The following DYNC2H1 variants were observed in gnomAD, a reference collection of about 807,000 sequenced individuals.
The protein encoded by DYNC2H1 is cytoplasmic dynein 2 heavy chain 1.
DYNC2H1 carries 410 observed loss-of-function variants against 570.0 expected under a neutral mutation model. That is an observed-to-expected ratio of 0.72 (90% CI 0.66 to 0.78). The LOEUF (loss-of-function observed/expected upper bound fraction) is 0.78, where lower values mean the gene tolerates loss of function less well. Among genes scored for constraint, DYNC2H1 ranks in the 30% least tolerant of loss-of-function variants. DYNC2H1 has a pLI of 0.00. For missense variants in DYNC2H1, 4,865 were observed against 5,046.4 expected (o/e 0.96, Z 1.09); for synonymous variants, 1,688 against 1,677.6 (o/e 1.01, Z -0.15).
chr11:103,436,722 C>A (rs568741733), intron 85 of DYNC2H1, among the ~76,000 whole-genome samples: 1 of 152,172 alleles, frequency 6.6e-6, no homozygotes, highest in East Asian at 1.9e-4. Flanking sequence ...ACCTTTGAAC[C>A]CCTAAGCATA....
At chr11:103,433,877 A>G (rs1444962510) in intron 84 of DYNC2H1, among the ~76,000 whole-genome samples, 6 of 152,272 alleles carry the variant, frequency 3.9e-5, no homozygotes, top group African/African-American at 1.4e-4. Flanking sequence ...AAACCAATAT[A>G]AAATGGTAGG....
chr11:103,414,035 CTG>C (rs1429038893), intron 84 of DYNC2H1, among the ~76,000 whole-genome samples: 17 of 145,230 alleles, frequency 1.2e-4, no homozygotes, highest in African/African-American at 4.4e-4. Flanking sequence ...TGAAAGTAAA[CTG>C]TGGTAAGTTA....
At chr11:103,126,892 C>T (rs753206058) in intron 12 of DYNC2H1, among the ~76,000 whole-genome samples, 3 of 152,178 alleles carry the variant, frequency 2.0e-5, no homozygotes, top group Non-Finnish European at 4.4e-5. Flanking sequence ...CCTACCTTGG[C>T]CTCCCAAAGT....
At chr11:103,476,618 A>G (rs1365046772) in intron 88 of DYNC2H1, among the ~76,000 whole-genome samples, 1 of 152,176 alleles carries the variant, frequency 6.6e-6, no homozygotes, top group Non-Finnish European at 1.5e-5. Context: ...CCTAGAGAAT[A>G]TGTCTTGTTA....
At chr11:103,286,172 C>G in intron 73 of DYNC2H1, 83 bp from the exon 74 acceptor site, 1 of 1,524,688 alleles carries the variant, frequency 6.6e-7, no homozygotes, top group African/African-American at 1.4e-5. Flanking sequence ...ATAATTGGTT[C>G]TCACTTTTAG....
chr11:103,401,424 C>G (rs576800800), intron 84 of DYNC2H1, among the ~76,000 whole-genome samples: 1 of 151,896 alleles, frequency 6.6e-6, no homozygotes, highest in African/African-American at 2.4e-5. Flanking sequence ...TCTAGTAGGA[C>G]GGGTACACAA....
Position 103,243,253 on chromosome 11 carries a change from G to T in DYNC2H1, c.9820-440G>T, listed in dbSNP as rs1266863243. Among the ~76,000 whole-genome samples the T allele has an allele frequency of 7.1e-6, 1 of 140,596 alleles. No homozygotes were observed. Among genetic ancestry groups the T allele is most frequent in the Non-Finnish European group, 1.5e-5 (1 of 64,968 alleles). The allele number at this position is 140,596 out of a possible 152,430, so 92.2% of individuals were successfully genotyped here. Reference sequence around the variant, plus strand: ...CCTTTATAGTTTTTATTCAAACAAAGAATATAGATAGATAGATAGATAGAT... The same window carrying T: ...CCTTTATAGTTTTTATTCAAACAAATAATATAGATAGATAGATAGATAGAT... On this transcript the variant is annotated intron_variant, in intron 63 of 88. Transcript: ENST00000375735. The surrounding 1 kb of genome is among the most constrained non-coding windows in gnomAD (Gnocchi z 4.8).
At chr11:103,452,782 T>A (rs1010006544) in intron 85 of DYNC2H1, among the ~76,000 whole-genome samples, 11 of 145,872 alleles carry the variant, frequency 7.5e-5, no homozygotes, top group African/African-American at 2.5e-4. Flanking sequence ...TATTTTTGTA[T>A]GTCTCATCTC....
At chr11:103,408,176 G>A (rs1709161) in intron 84 of DYNC2H1, 77,386 of 151,444 alleles carry the variant, frequency 0.51, 20,055 homozygotes, top group African/African-American at 0.62. Context: ...AAAGGGTAAC[G>A]GTAGATGTTG....
At chr11:103,229,271 G>A (rs1863915248) in intron 59 of DYNC2H1, among the ~76,000 whole-genome samples, 1 of 152,164 alleles carries the variant, frequency 6.6e-6, no homozygotes, top group Non-Finnish European at 1.5e-5. Flanking sequence ...TTCCTAGTAT[G>A]TTCCTGCAGT....
At chr11:103,451,324 C>CT (rs34032894) in intron 85 of DYNC2H1, among the ~76,000 whole-genome samples, 11,951 of 70,934 alleles carry the variant, frequency 0.17, 3,771 homozygotes, top group African/African-American at 0.3. Flanking sequence ...AGTAAAAGGG[C>CT]TTTTTTTTTT....
chr11:103,179,208 T>A lies in DYNC2H1; in HGVS notation c.6322T>A (p.Ser2108Thr), dbSNP rs750436227. The change falls in exon 39 of 89, where the codon TCT (serine) becomes ACT (threonine). Residue 2108 changes from serine (S) to threonine (T), a missense_variant. By Grantham distance (58) the Ser-to-Thr change is moderately conservative. Coordinates refer to ENST00000375735, the MANE Select transcript of DYNC2H1 (RefSeq NM_001377.3). ...AAGTTGTGCATCACCAGCCACAATA[T>A]CTAGAATGGGAATGATCTTTCTTAG... ...DLSCASPATI[S>T]RMGMIFLSDE... 8 of 1,612,982 alleles carry A rather than the reference T, an allele frequency of 5.0e-6. No individual in the cohort carries two copies. The Admixed American group carries it at 1.3e-4, about 27-fold the overall frequency.
chr11:103,215,828 T>C lies in DYNC2H1; in HGVS notation c.8802T>C (p.Ala2934=). 1 of 1,612,792 alleles carries C rather than the reference T, an allele frequency of 6.2e-7. No homozygotes were observed. Among genetic ancestry groups the C allele is most frequent in the South Asian group, 1.1e-5 (1 of 90,894 alleles). The change falls in exon 55 of 89, where the codon GCT becomes GCC. Residue 2934 remains alanine (A), a synonymous_variant. Coordinates refer to ENST00000375735, the MANE Select transcript of DYNC2H1 (RefSeq NM_001377.3). ...LLKTKQDEAD[A]ALQMITVSMQ... is the part of the protein sequence containing the mutation. ...AAACGAAGCAAGATGAAGCAGATGC[T>C]GCCCTTCAAATGATCACAGTGTCAA...
intron 39 of DYNC2H1, among the ~76,000 whole-genome samples, chr11:103,179,842 C>T (rs2135004019): frequency 6.6e-6 from 1 of 151,744 alleles, no homozygotes; most frequent in South Asian, 2.1e-4. Context: ...TGGACATTTG[C>T]ACCAATTTTA....
At chr11:103,191,008 G>A (rs1862283634) in intron 45 of DYNC2H1, among the ~76,000 whole-genome samples, 1 of 133,520 alleles carries the variant, frequency 7.5e-6, no homozygotes, top group Non-Finnish European at 1.6e-5. Flanking sequence ...ACCCTTCTTA[G>A]AATATATGTA....
At chr11:103,279,046 C>T (rs773449176) in intron 70 of DYNC2H1, among the ~76,000 whole-genome samples, 5 of 152,094 alleles carry the variant, frequency 3.3e-5, no homozygotes, top group Admixed American at 6.5e-5. Flanking sequence ...GAAACAAGTT[C>T]GTTTATTTCC....
chr11:103,127,496 C>T (rs1859059959), intron 12 of DYNC2H1, among the ~76,000 whole-genome samples: 1 of 151,952 alleles, frequency 6.6e-6, no homozygotes, highest in African/African-American at 2.4e-5. Flanking sequence ...GTGGGTTTTC[C>T]CCACCAAATA....
chr11:103,191,169 A>C (rs1591384541), intron 45 of DYNC2H1, among the ~76,000 whole-genome samples: 2 of 151,002 alleles, frequency 1.3e-5, no homozygotes, highest in African/African-American at 4.9e-5. Flanking sequence ...CCTCTCAAGT[A>C]GCTGGGACTA....
chr11:103,137,571 G>T (rs1211598101), intron 17 of DYNC2H1, among the ~76,000 whole-genome samples: 1 of 152,136 alleles, frequency 6.6e-6, no homozygotes, highest in African/African-American at 2.4e-5. Context: ...GCTCTGTTCT[G>T]TTCCATTGAT....
Sources: allele counts gnomAD v4.1 joint callset (sites outside exome capture counted in the v4.1 genomes callset), GRCh38; gene constraint gnomAD v4.1.1; non-coding constraint Gnocchi (gnomAD v3.1); transcripts MANE v1.5; gene names NCBI Gene and HGNC (gene_info 2026-07-23, HGNC 2026-07-21).